ARHGEF33: variants seen among roughly 807,000 people sequenced by gnomAD.
The protein encoded by ARHGEF33 is Rho guanine nucleotide exchange factor 33, also known as DH and coiled-coil domain-containing protein ENSP00000381780.
Under a neutral mutation model 101.9 loss-of-function variants are expected in ARHGEF33, and 72 were observed. The ratio of observed to expected loss-of-function variants is 0.71; its 90% CI spans 0.58 to 0.86. The LOEUF (loss-of-function observed/expected upper bound fraction) is 0.86. Among genes scored for constraint, ARHGEF33 ranks in the 40% least tolerant of loss-of-function variants. The pLI, the probability that ARHGEF33 is intolerant of heterozygous loss-of-function variation, is 0.00. For missense variants in ARHGEF33, 1,169 were observed against 1,111.3 expected, an observed-to-expected ratio of 1.05 and a Z score of -0.74; for synonymous variants, 499 against 442.5, an observed-to-expected ratio of 1.13 and a Z score of -1.60.
At chr2:38,956,802 A>C (rs965245812) in intron 13 of ARHGEF33, 97 bp from the exon 14 acceptor site, 3 of 1,383,770 alleles carry the variant, frequency 2.2e-6, no homozygotes, top group Admixed American at 4.4e-5. Flanking sequence ...TTAAATGGCT[A>C]TGAATCTCCC....
At chr2:38,902,063 C>T (rs1461442945) in intron 2 of ARHGEF33, among the ~76,000 whole-genome samples, 9 of 150,032 alleles carry the variant, frequency 6.0e-5, no homozygotes, top group Admixed American at 4.0e-4. Context: ...TGCAGTGAGC[C>T]GAGATCGCGC....
intron 2 of ARHGEF33, among the ~76,000 whole-genome samples, chr2:38,914,664 C>CAAAAA (rs199737558): frequency 2.1e-5 from 2 of 95,956 alleles, no homozygotes; most frequent in Non-Finnish European, 2.1e-5. Flanking sequence ...GACTCCATCT[C>CAAAAA]AAAAAAAAAA....
chr2:38,898,674 A>T (rs1005455691), intron 2 of ARHGEF33, among the ~76,000 whole-genome samples: 4 of 152,156 alleles, frequency 2.6e-5, no homozygotes, highest in African/African-American at 9.7e-5. Flanking sequence ...TAATATACTT[A>T]AAAAAAGGAA....
intron 16 of ARHGEF33, among the ~76,000 whole-genome samples, chr2:38,962,530 G>A (rs1211373141): frequency 2.0e-5 from 3 of 152,090 alleles, no homozygotes; most frequent in Non-Finnish European, 4.4e-5. Flanking sequence ...ATACTGGCCA[G>A]CAAGTTTCAT....
chr2:38,946,411 A>G (rs1667452161), intron 10 of ARHGEF33, among the ~76,000 whole-genome samples: 1 of 149,310 alleles, frequency 6.7e-6, no homozygotes, highest in Non-Finnish European at 1.5e-5. Context: ...TATTCATGTT[A>G]GTTATTTGCT....
intron 2 of ARHGEF33, among the ~76,000 whole-genome samples, chr2:38,917,043 A>ACCCACCTT (rs1666649349): frequency 6.8e-6 from 1 of 146,086 alleles, no homozygotes; most frequent in African/African-American, 2.5e-5. Context: ...CAGGTGATCC[A>ACCCACCTT]CCCACCTTGG....
intron 2 of ARHGEF33, among the ~76,000 whole-genome samples, chr2:38,903,063 G>C (rs1469532188): frequency 1.3e-5 from 2 of 152,138 alleles, no homozygotes; most frequent in Admixed American, 6.6e-5. Flanking sequence ...ATAAATCATA[G>C]CTTGAGGTTC....
chr2:38,932,984 C>T (rs1667041358), intron 7 of ARHGEF33, among the ~76,000 whole-genome samples: 1 of 152,218 alleles, frequency 6.6e-6, no homozygotes, highest in Admixed American at 6.5e-5. Context: ...ACTCAGGGCT[C>T]AAGAACCAAA....
chr2:38,953,030 T>A (rs892217839), intron 11 of ARHGEF33, 132 bp from the exon 12 acceptor site: 7 of 605,004 alleles, frequency 1.2e-5, no homozygotes, highest in South Asian at 4.2e-5. Context: ...TCAAAATATA[T>A]AAAATGAAGA....
intron 10 of ARHGEF33, among the ~76,000 whole-genome samples, chr2:38,946,695 G>T (rs577458575): frequency 6.6e-6 from 1 of 152,064 alleles, no homozygotes; most frequent in Non-Finnish European, 1.5e-5. Context: ...GCATTATCTC[G>T]GCTCACTGTA....
chr2:38,967,832 G>A (rs1233651458), intron 17 of ARHGEF33, among the ~76,000 whole-genome samples: 7 of 148,894 alleles, frequency 4.7e-5, no homozygotes, highest in Non-Finnish European at 8.9e-5. Context: ...CATCTGCCTC[G>A]GCCTCCCAAA....
rs1193302211 is a variant in ARHGEF33, at chr2:38,948,954, G to A, written c.921-2035G>A. 4.6e-5 allele frequency among the ~76,000 whole-genome samples: 7 copies of A among 152,226 alleles called. No individual in the cohort carries two copies. The East Asian group carries it at 7.7e-4, about 17-fold the overall frequency. On this transcript the variant is annotated intron_variant, in intron 10 of 17. Coordinates refer to ENST00000409978, the MANE Select transcript of ARHGEF33 (RefSeq NM_001145451.5). ...CTAAACCCACTGTTCCATTGTAAGC[G>A]CTCAGGTCAGGAGGCCTCTCCTCTT...
Position 38,960,397 on chromosome 2 carries a change from G to C in ARHGEF33, c.2092G>C (p.Ala698Pro). 1 of 1,510,358 alleles carries C rather than the reference G, an allele frequency of 6.6e-7. No individual in the cohort carries two copies. Among genetic ancestry groups the C allele is most frequent in the Non-Finnish European group, 8.8e-7 (1 of 1,135,608 alleles). 93.6% of individuals were successfully genotyped at this position (1,510,358 alleles called of 1,614,324 possible). The change falls in exon 16 of 18, where the codon GCG becomes CCG. Residue 698 changes from alanine (A) to proline (P), a missense_variant. Physicochemically the swap from Ala to Pro is conservative, Grantham distance 27. Transcript: ENST00000409978. ...SAYKLEAAAQ[A>P]HGKAKPLSRS... is the part of the protein sequence containing the mutation. ...CTACAAACTGGAGGCGGCGGCGCAG[G>C]CGCACGGCAAGGCCAAGCCGCTGAG...
At chr2:38,931,297 A>G in intron 7 of ARHGEF33, 46 bp downstream of exon 7, 5 of 1,484,302 alleles carry the variant, frequency 3.4e-6, no homozygotes, top group Non-Finnish European at 4.5e-6. Context: ...TTTTTTTCCC[A>G]ATTCCCCCAA....
At chr2:38,936,516 T>C (rs1055275552) in intron 8 of ARHGEF33, among the ~76,000 whole-genome samples, 4 of 152,198 alleles carry the variant, frequency 2.6e-5, no homozygotes, top group African/African-American at 9.7e-5. Context: ...TTTGATAAAT[T>C]CATTTTAAAA....
intron 16 of ARHGEF33, among the ~76,000 whole-genome samples, chr2:38,963,110 A>G (rs1667982300): frequency 6.6e-6 from 1 of 151,652 alleles, no homozygotes; most frequent in African/African-American, 2.4e-5. Context: ...CCATGTGGGT[A>G]TACATATGTG....
chr2:38,957,879 A>T, intron 14 of ARHGEF33, 155 bp from the exon 15 acceptor site: 2 of 891,500 alleles, frequency 2.2e-6, no homozygotes, highest in Non-Finnish European at 3.4e-6. Context: ...GCACCCTATT[A>T]AGCAAAGCAA....
At chr2:38,938,832 T>C (rs754291522) in intron 9 of ARHGEF33, among the ~76,000 whole-genome samples, 1 of 152,222 alleles carries the variant, frequency 6.6e-6, no homozygotes, top group Non-Finnish European at 1.5e-5. Flanking sequence ...AATAACACAG[T>C]GTACTCTTTT....
At position 38,914,664 on chromosome 2, in the gene ARHGEF33, CAA is replaced by C. The variant is rs199737558; in HGVS notation, c.-85-4680_-85-4679del. Among the ~76,000 whole-genome samples, 870 of 95,900 alleles carry C rather than the reference CAA, an allele frequency of 9.1e-3. 3 individuals carry two copies. Among genetic ancestry groups the C allele is most frequent in the Middle Eastern group, 0.021 (4 of 188 alleles). 62.9% of individuals were successfully genotyped at this position (95,900 alleles called of 152,430 possible). A position where few individuals can be genotyped will look rare whatever the true frequency, so the allele number is the denominator to read the frequency against. On this transcript the variant is annotated intron_variant, in intron 2 of 17. Transcript: ENST00000409978. The stretch of plus-strand genomic sequence containing the variant: ...CCTGGGCAACAGTGAGACTCCATCT[CAA>C]AAAAAAAAAAAAAAAAAAGTAATTT...
Sources: gnomAD v4.1 joint callset for allele counts (sites outside exome capture counted in the v4.1 genomes callset) on GRCh38, gnomAD v4.1.1 for gene constraint, MANE v1.5 for transcripts, NCBI Gene and HGNC (gene_info 2026-07-23, HGNC 2026-07-21) for gene names.